The following ANK3 variants were observed in gnomAD, a reference collection of about 807,000 sequenced individuals.
ANK3 encodes ankyrin 3, also known as ankyrin-3.
A neutral mutation model predicts 370.9 loss-of-function variants in ANK3; 57 were observed. The ratio of observed to expected loss-of-function variants is 0.15; its 90% CI spans 0.12 to 0.19. ANK3 has a LOEUF of 0.19. Among genes scored for constraint, ANK3 ranks in the 10% least tolerant of loss-of-function variants. The probability of loss-of-function intolerance (pLI) is 1.00; values close to 1 mark genes in which losing one functional copy is unlikely to be tolerated. For missense variants in ANK3, 4,439 were observed against 5,302.1 expected, an observed-to-expected ratio of 0.84 and a Z score of 5.06; for synonymous variants, 1,929 against 1,946.3, an observed-to-expected ratio of 0.99 and a Z score of 0.23.
chr10:60,263,392 G>C (rs2097837846), intron 6 of ANK3, among the ~76,000 whole-genome samples: 2 of 152,178 alleles, frequency 1.3e-5, no homozygotes, highest in Admixed American at 1.3e-4. Context: ...GGAATTTTTG[G>C]CTGCGGCTCT....
At chr10:60,725,356 T>C (rs953544614) in intron 1 of ANK3, among the ~76,000 whole-genome samples, 2 of 152,150 alleles carry the variant, frequency 1.3e-5, no homozygotes, top group African/African-American at 4.8e-5. Flanking sequence ...TAAACAACCT[T>C]GGACATGTCC....
chr10:60,608,648 G>A (rs1332567118), intron 2 of ANK3, among the ~76,000 whole-genome samples: 1 of 152,158 alleles, frequency 6.6e-6, no homozygotes, highest in Non-Finnish European at 1.5e-5. Context: ...CATGCACAAT[G>A]TGAGTTTGTG....
chr10:60,362,161 A>G (rs1197055284), intron 1 of ANK3, among the ~76,000 whole-genome samples: 3 of 152,154 alleles, frequency 2.0e-5, no homozygotes, highest in African/African-American at 4.8e-5. Flanking sequence ...ATAGTGTTCC[A>G]TTATCCATTT....
intron 23 of ANK3, among the ~76,000 whole-genome samples, chr10:60,163,877 T>G (rs552328864): frequency 6.6e-6 from 1 of 152,336 alleles, no homozygotes; most frequent in South Asian, 2.1e-4. Flanking sequence ...TGTTATTCTT[T>G]AGTGTCTGGG....
intron 1 of ANK3, among the ~76,000 whole-genome samples, chr10:60,287,410 G>A (rs941558879): frequency 7.9e-5 from 12 of 152,094 alleles, no homozygotes; most frequent in African/African-American, 2.7e-4. Context: ...ATCTCCAGGA[G>A]GCTGTAGTTG....
chr10:60,639,665 G>A (rs2078603105), intron 1 of ANK3, among the ~76,000 whole-genome samples: 1 of 151,764 alleles, frequency 6.6e-6, no homozygotes, highest in South Asian at 2.1e-4. Flanking sequence ...AATATACATA[G>A]AGCAATCCAT....
intron 2 of ANK3, among the ~76,000 whole-genome samples, chr10:60,563,368 C>T (rs2077384342): frequency 6.6e-6 from 1 of 152,174 alleles, no homozygotes; most frequent in African/African-American, 2.4e-5. Context: ...ACCTTACTGG[C>T]TCCCAGTCCC....
At chr10:60,711,816 T>C (rs1476005570) in intron 1 of ANK3, among the ~76,000 whole-genome samples, 1 of 152,104 alleles carries the variant, frequency 6.6e-6, no homozygotes, top group African/African-American at 2.4e-5. Flanking sequence ...CAGAAAAACT[T>C]TGGAAGCAGC....
At chr10:60,112,127 T>G (rs1416556795) in intron 26 of ANK3, among the ~76,000 whole-genome samples, 2 of 152,232 alleles carry the variant, frequency 1.3e-5, no homozygotes, top group East Asian at 3.8e-4. Context: ...CTTCATTGTT[T>G]TTAATGTATG....
chr10:60,125,667 C>T (rs2093719886), intron 25 of ANK3, among the ~76,000 whole-genome samples: 3 of 152,014 alleles, frequency 2.0e-5, no homozygotes, highest in Non-Finnish European at 4.4e-5. Flanking sequence ...GTTAATCTGC[C>T]GACGGGTGTG....
In ANK3 at chr10:60,090,498, A is replaced by C. The variant is rs181779020; in HGVS notation, c.3329-2140T>G. On this transcript the variant is annotated intron_variant, in intron 28 of 43. Transcript: ENST00000280772. Reference sequence around the variant, plus strand: ...GACAAAAAGAGTAAACTTGAAAAGCAAAAAGTAGACTGGAAAAATAGCCAC... The same window carrying C: ...GACAAAAAGAGTAAACTTGAAAAGCCAAAAGTAGACTGGAAAAATAGCCAC... Among the ~76,000 whole-genome samples the C allele has an allele frequency of 9.1e-4, 139 of 152,326 alleles. 1 individual carries two copies. Among genetic ancestry groups the C allele is most frequent in the East Asian group, 4.2e-3 (22 of 5,188 alleles).
chr10:60,428,215 C>A (rs1056140965), intron 2 of ANK3, among the ~76,000 whole-genome samples: 2 of 152,182 alleles, frequency 1.3e-5, no homozygotes, highest in Admixed American at 6.5e-5. Flanking sequence ...ACAAGCACAT[C>A]AAAACATGAA....
chr10:60,647,162 G>T (rs1174674111), intron 1 of ANK3, among the ~76,000 whole-genome samples: 2 of 152,142 alleles, frequency 1.3e-5, no homozygotes, highest in South Asian at 2.1e-4. Context: ...AGAAATAAAA[G>T]GTATAACATG....
intron 1 of ANK3, among the ~76,000 whole-genome samples, chr10:60,676,538 A>G (rs2079127822): frequency 6.6e-6 from 1 of 152,198 alleles, no homozygotes; most frequent in South Asian, 2.1e-4. Flanking sequence ...CAAAAATAAT[A>G]CTCATCAATT....
intron 1 of ANK3, among the ~76,000 whole-genome samples, chr10:60,388,492 GC>G (rs1169800861): frequency 6.6e-6 from 1 of 152,114 alleles, no homozygotes; most frequent in Non-Finnish European, 1.5e-5. Context: ...TTTATGACCT[GC>G]CTTTCCTATT....
chr10:60,113,587 G>A (rs1357460413), intron 26 of ANK3, among the ~76,000 whole-genome samples: 1 of 152,202 alleles, frequency 6.6e-6, no homozygotes, highest in Non-Finnish European at 1.5e-5. Context: ...GTGCACACCT[G>A]TGGTCCCAGG....
In ANK3 at chr10:60,082,135, A is replaced by T; in HGVS notation, c.4350+15T>A. 1 of 1,603,464 alleles carries T rather than the reference A, an allele frequency of 6.2e-7. No individual in the cohort carries two copies. Among genetic ancestry groups the T allele is most frequent in the South Asian group, 1.1e-5 (1 of 90,162 alleles). On this transcript the variant is annotated intron_variant, in intron 35 of 43. Coordinates refer to ENST00000280772, the MANE Select transcript of ANK3 (RefSeq NM_020987.5). ...TCTACTTCTGATAGAATAAAAGCAG[A>T]AGTGTTTATATTACCTCATCATCTT...
In ANK3 at chr10:60,070,701, C is replaced by T; in HGVS notation, c.10180G>A (p.Glu3394Lys). The change falls in exon 37 of 44, where the codon GAG (glutamate) becomes AAG (lysine). Residue 3394 changes from glutamate to lysine, a missense_variant. Transcript: ENST00000280772. This position sits in a 1 kb window ranked among gnomAD's most constrained non-coding sequence, Gnocchi z 5.7. ...QNGNNDQSIT[E>K]CSIATTAEFS... ...TCTGCTGTGGTGGCAATGGAACACTCTGTGATGGACTGGTCGTTGTTCCCA... is the reference window on the plus strand; with the variant it reads ...TCTGCTGTGGTGGCAATGGAACACTTTGTGATGGACTGGTCGTTGTTCCCA... 1 of 1,614,186 alleles carries T rather than the reference C, an allele frequency of 6.2e-7. No individual in the cohort carries two copies.
chr10:60,621,906 T>C (rs1216171889), intron 1 of ANK3, among the ~76,000 whole-genome samples: 1 of 152,096 alleles, frequency 6.6e-6, no homozygotes, highest in East Asian at 1.9e-4. Flanking sequence ...GGAATAACAA[T>C]GCAAGATCAA....
Sources: allele counts gnomAD v4.1 joint callset (sites outside exome capture counted in the v4.1 genomes callset), GRCh38; gene constraint gnomAD v4.1.1; non-coding constraint Gnocchi (gnomAD v3.1); transcripts MANE v1.5; gene names NCBI Gene and HGNC (gene_info 2026-07-23, HGNC 2026-07-21).